DLG2: variants seen among roughly 807,000 people sequenced by gnomAD.
DLG2 encodes discs large MAGUK scaffold protein 2.
Under a neutral mutation model 132.5 loss-of-function variants are expected in DLG2, and 45 were observed. That is an observed-to-expected ratio of 0.34 (90% CI 0.27 to 0.44). The LOEUF is 0.44. Ranked by LOEUF, DLG2 falls within the 20% of genes least tolerant of loss-of-function variation. The pLI, the probability that DLG2 is intolerant of heterozygous loss-of-function variation, is 1.00. For synonymous variants in DLG2, 424 were observed against 419.6 expected (o/e 1.01, Z -0.13); for missense variants, 1,045 against 1,196.9 (o/e 0.87, Z 1.87).
At chr11:85,029,270 GC>G (rs761485122) in intron 6 of DLG2, among the ~76,000 whole-genome samples, 6 of 151,522 alleles carry the variant, frequency 4.0e-5, no homozygotes, top group Non-Finnish European at 7.4e-5. Context: ...CATGGCTAAA[GC>G]CAGAACTCTT....
At chr11:83,903,879 C>T (rs796229390) in intron 15 of DLG2, among the ~76,000 whole-genome samples, 10 of 152,280 alleles carry the variant, frequency 6.6e-5, no homozygotes, top group African/African-American at 2.4e-4. Context: ...ATGCCTGAAA[C>T]TGCAGGTGGT....
intron 3 of DLG2, among the ~76,000 whole-genome samples, chr11:85,288,225 T>C (rs1470946545): frequency 6.6e-6 from 1 of 152,030 alleles, no homozygotes; most frequent in African/African-American, 2.4e-5. Context: ...TCATAAATAT[T>C]AAGATTTACA....
At chr11:83,860,838 G>T (rs1228048321) in intron 16 of DLG2, among the ~76,000 whole-genome samples, 1 of 152,100 alleles carries the variant, frequency 6.6e-6, no homozygotes, top group African/African-American at 2.4e-5. Context: ...CATGTGGGTG[G>T]GTCTTTCCTG....
intron 3 of DLG2, among the ~76,000 whole-genome samples, chr11:85,440,155 A>G (rs905710375): frequency 2.6e-5 from 4 of 152,226 alleles, no homozygotes; most frequent in Admixed American, 2.0e-4. Flanking sequence ...TAATGAAGTT[A>G]GACTTATGCC....
At chr11:84,758,028 G>A (rs143064566) in intron 6 of DLG2, among the ~76,000 whole-genome samples, 1 of 152,278 alleles carries the variant, frequency 6.6e-6, no homozygotes, top group East Asian at 1.9e-4. Context: ...GTATTCCAAT[G>A]GTTGGGTCAT....
intron 7 of DLG2, among the ~76,000 whole-genome samples, chr11:84,392,062 A>G (rs768029639): frequency 6.6e-6 from 1 of 152,200 alleles, no homozygotes; most frequent in Non-Finnish European, 1.5e-5. Flanking sequence ...TGAAGAATCA[A>G]TTATGACACA....
At chr11:84,969,329 G>A (rs762243680) in intron 6 of DLG2, among the ~76,000 whole-genome samples, 1 of 152,152 alleles carries the variant, frequency 6.6e-6, no homozygotes, top group Non-Finnish European at 1.5e-5. Flanking sequence ...GGCTGGGAGT[G>A]CTGTGTCTGA....
rs188344036 is a variant in DLG2, at chr11:84,521,763, G to A, written c.519+12807C>T. 3.3e-5 allele frequency among the ~76,000 whole-genome samples: 5 copies of A among 152,320 alleles called. No individual in the cohort carries two copies. In the East Asian group the frequency reaches 9.6e-4, roughly 29 times the overall value. ...AGAAGTAAAACCTACTTTTGGAAAT[G>A]ATATTTCAAATAGTTTTAAATTGCT... On this transcript the variant is annotated intron_variant, in intron 7 of 27. Transcript: ENST00000376104.
chr11:85,113,321 G>T (rs553870926), intron 5 of DLG2, among the ~76,000 whole-genome samples: 56 of 152,006 alleles, frequency 3.7e-4, no homozygotes, highest in Non-Finnish European at 5.7e-4. Flanking sequence ...ATCACAATTT[G>T]CAAGGAAGCT....
At position 83,666,295 on chromosome 11, in the gene DLG2, G is replaced by A. The variant is rs184664302; in HGVS notation, c.1826-32970C>T. Among the ~76,000 whole-genome samples the A allele has an allele frequency of 1.9e-3, 293 of 152,300 alleles. 1 individual carries two copies. Among genetic ancestry groups the A allele is most frequent in the Non-Finnish European group, 3.3e-3 (223 of 68,018 alleles). On this transcript the variant is annotated intron_variant, in intron 18 of 27. Coordinates refer to ENST00000376104, the MANE Select transcript of DLG2 (RefSeq NM_001142699.3). Reference sequence around the variant, plus strand: ...TTAACTCAGAGGTCCCCAACCCCCAGTCCGCAGACTGGTAGGTGTCCATGG... The same window carrying A: ...TTAACTCAGAGGTCCCCAACCCCCAATCCGCAGACTGGTAGGTGTCCATGG...
intron 6 of DLG2, among the ~76,000 whole-genome samples, chr11:84,938,077 CTGTGAGGTT>C (rs1414659670): frequency 6.6e-6 from 1 of 152,148 alleles, no homozygotes; most frequent in East Asian, 1.9e-4. Context: ...TTTAACAGTT[CTGTGAGGTT>C]TGTATTATAA....
At chr11:84,445,476 GTTACAAGAAATATGTCTTTC>G (rs1344322853) in intron 7 of DLG2, among the ~76,000 whole-genome samples, 4 of 152,080 alleles carry the variant, frequency 2.6e-5, no homozygotes, top group African/African-American at 9.7e-5. Context: ...TTTGCTGCCT[GTTACAAGAAATATGTCTTTC>G]TTAATATGGT....
intron 17 of DLG2, among the ~76,000 whole-genome samples, chr11:83,796,083 T>C (rs2042757562): frequency 6.6e-6 from 1 of 152,232 alleles, no homozygotes; most frequent in African/African-American, 2.4e-5. Context: ...TATTGGAACT[T>C]GTGTTCCTGG....
intron 3 of DLG2, among the ~76,000 whole-genome samples, chr11:85,520,515 C>CCACATACA (rs2074216139): frequency 6.8e-6 from 1 of 148,038 alleles, no homozygotes; most frequent in South Asian, 2.2e-4. Context: ...GTATATGGAA[C>CCACATACA]CACACACACA....
At chr11:85,098,800 T>C (rs2070361444) in intron 6 of DLG2, among the ~76,000 whole-genome samples, 1 of 152,220 alleles carries the variant, frequency 6.6e-6, no homozygotes. Flanking sequence ...GTGAATGCCA[T>C]TAATTATTTT....
Position 83,532,733 on chromosome 11 carries a change from T to C in DLG2, c.2168A>G (p.Lys723Arg). Residue 723 changes from lysine (K) to arginine (R), a missense_variant, in exon 21 of 28, where the codon AAA (lysine) becomes AGA (arginine). Lys to Arg is a conservative substitution (Grantham distance 26, BLOSUM62 2). This residue lies in a region of DLG2 where 398 missense variants were observed against 543.6 expected (regional missense o/e 0.73). Transcript: ENST00000376104. ...ARLKTVKFNA[K>R]PGVIDSKGSF... The stretch of plus-strand genomic sequence containing the variant: ...CCCTTTCGAATCAATCACTCCAGGT[T>C]TGGCATTAAACTTCACTGTCTTCAA... The C allele has an allele frequency of 6.2e-7, 1 of 1,613,348 alleles. No individual in the cohort carries two copies. The highest frequency in any genetic ancestry group is 8.5e-7 in the Non-Finnish European group (1 of 1,179,492).
In DLG2 at chr11:84,348,038, T is replaced by A. The variant is rs572329714; in HGVS notation, c.520-96747A>T. ...ACATTCACAAGCTTGTTATGAGGAT[T>A]AAAACAGATAACACAGGTGAGAGTA... is the stretch of plus-strand genomic sequence containing the variant. On this transcript the variant is annotated intron_variant, in intron 7 of 27. Transcript: ENST00000376104. Among the ~76,000 whole-genome samples, 61 of 152,246 alleles carry A rather than the reference T, an allele frequency of 4.0e-4. 1 individual carries two copies. The South Asian group carries it at 0.012, about 29-fold the overall frequency.
chr11:84,240,036 C>G (rs185453285), intron 8 of DLG2, among the ~76,000 whole-genome samples: 66 of 152,340 alleles, frequency 4.3e-4, no homozygotes, highest in African/African-American at 1.6e-3. Flanking sequence ...CCCTTTGCAT[C>G]TAGGAATGGC....
At chr11:84,658,657 G>C (rs1360344626) in intron 6 of DLG2, among the ~76,000 whole-genome samples, 4 of 152,036 alleles carry the variant, frequency 2.6e-5, no homozygotes, top group Admixed American at 2.6e-4. Context: ...ACAAGAGTTG[G>C]TTGTTTAAAA....
Sources: allele counts gnomAD v4.1 joint callset (sites outside exome capture counted in the v4.1 genomes callset), GRCh38; gene constraint gnomAD v4.1.1; regional missense constraint gnomAD v4.1.1; transcripts MANE v1.5; gene names NCBI Gene and HGNC (gene_info 2026-07-23, HGNC 2026-07-21).